The following DAZAP2 variants were observed in gnomAD, a reference collection of about 807,000 sequenced individuals.
DAZAP2 encodes the protein DAZ-associated protein 2.
DAZAP2 carries 3 observed loss-of-function variants against 16.2 expected under a neutral mutation model. The observed-to-expected ratio is 0.19, with a 90% confidence interval of 0.08 to 0.48. The LOEUF (loss-of-function observed/expected upper bound fraction) is 0.48. Among genes scored for constraint, DAZAP2 ranks in the 20% least tolerant of loss-of-function variants. DAZAP2 has a pLI of 0.98. For missense variants in DAZAP2, 172 were observed against 215.9 expected, an observed-to-expected ratio of 0.80 and a Z score of 1.27; for synonymous variants, 69 against 77.6, an observed-to-expected ratio of 0.89 and a Z score of 0.58.
At position 51,238,920 on chromosome 12, in the gene DAZAP2, G is replaced by A; in HGVS notation, c.13G>A (p.Gly5Ser). The change falls in exon 1 of 4, where the codon GGT (glycine) becomes AGT (serine). Residue 5 changes from glycine to serine, a missense_variant and splice_region_variant. Gly to Ser is a moderately conservative substitution (Grantham distance 56). Coordinates refer to ENST00000412716, the MANE Select transcript of DAZAP2 (RefSeq NM_014764.4). MNSKGQYPTQPTYPV... is the reference protein window; with the variant it reads MNSKSQYPTQPTYPV... ...ACCCGCAACCACCATGAACAGCAAA[G>A]GCAAGGACCGAGGGTGGCAGAGGCC... 3 of 1,613,516 alleles carry A rather than the reference G, an allele frequency of 1.9e-6. No individual in the cohort carries two copies. The highest frequency in any genetic ancestry group is 2.5e-6 in the Non-Finnish European group (3 of 1,179,910).
downstream of DAZAP2, chr12:51,246,216 T>G: frequency 6.6e-7 from 1 of 1,516,168 alleles, no homozygotes; most frequent in East Asian, 2.3e-5. Flanking sequence ...TTCGTAAAGA[T>G]CCTCTTGTTT....
At chr12:51,246,604 C>CTGTGTGTGTG (rs59561227), downstream of DAZAP2, 8,874 of 337,902 alleles carry the variant, frequency 0.026, 546 homozygotes, top group African/African-American at 0.15. Context: ...TCTTTTATGG[C>CTGTGTGTGTG]TGTGTGTGTG....
Position 51,242,487 on chromosome 12 carries a change from A to G in DAZAP2, c.*29A>G. The G allele has an allele frequency of 6.2e-7, 1 of 1,613,894 alleles. No homozygotes were observed. The highest frequency in any genetic ancestry group is 8.5e-7 in the Non-Finnish European group (1 of 1,180,038). Reference sequence around the variant, plus strand: ...ACCAAGGCCACCTCTGTGCCGGGAAAGACATCACATACCTTCAGCACTTCT... The same window carrying G: ...ACCAAGGCCACCTCTGTGCCGGGAAGGACATCACATACCTTCAGCACTTCT... On this transcript the variant is annotated 3_prime_UTR_variant, in exon 4 of 4. Transcript: ENST00000412716.
chr12:51,246,604 CTGTG>C (rs59561227), downstream of DAZAP2: 1,273 of 337,418 alleles, frequency 3.8e-3, 9 homozygotes, highest in African/African-American at 0.012. Flanking sequence ...TCTTTTATGG[CTGTG>C]TGTGTGTGTG....
At chr12:51,241,786 T>C (rs988245475) in intron 3 of DAZAP2, among the ~76,000 whole-genome samples, 20 of 152,082 alleles carry the variant, frequency 1.3e-4, no homozygotes, top group African/African-American at 4.8e-4. Context: ...CCGGGCATGG[T>C]GGCAGGCGTC....
At chr12:51,244,164 T>G (rs955140140), downstream of DAZAP2, among the ~76,000 whole-genome samples, 1 of 152,206 alleles carries the variant, frequency 6.6e-6, no homozygotes, top group Non-Finnish European at 1.5e-5. Flanking sequence ...TACTGAAAAC[T>G]CATAGAATCT....
In DAZAP2 at chr12:51,243,659, T is replaced by TAG. The variant is rs1490699116; in HGVS notation, c.*1202_*1203insGA. The TAG allele has an allele frequency of 1.0e-6, 1 of 985,726 alleles. No homozygotes were observed. Among genetic ancestry groups the TAG allele is most frequent in the Admixed American group, 6.2e-5 (1 of 16,260 alleles). 61.1% of individuals were successfully genotyped at this position (985,726 alleles called of 1,614,324 possible). On this transcript the variant is annotated 3_prime_UTR_variant, in exon 4 of 4. Transcript: ENST00000412716. ...GATGTTTGACTGTACCATTGACTGT[T>TAG]ATGGAAGTTCAGCGTTGTATGTCTC...
At chr12:51,239,330 T>C (rs984544745) in intron 1 of DAZAP2, 41 of 209,280 alleles carry the variant, frequency 2.0e-4, no homozygotes, top group African/African-American at 9.0e-4. Flanking sequence ...GGCCGGGGCC[T>C]GTGAGGTCTC....
chr12:51,243,492 G>T lies in DAZAP2; in HGVS notation c.*1034G>T, dbSNP rs1944718394. On this transcript the variant is annotated 3_prime_UTR_variant, in exon 4 of 4. Transcript: ENST00000412716. ...TATTGTGAATGTCTCACTACAAAAT[G>T]ACTTGAGTCCAGTGAAATCTCATTA... 22 of 985,730 alleles carry T rather than the reference G, an allele frequency of 2.2e-5. No homozygotes were observed. The highest frequency in any genetic ancestry group is 2.7e-5 in the Non-Finnish European group (22 of 829,950). 61.1% of individuals were successfully genotyped at this position (985,730 alleles called of 1,614,324 possible).
rs1264911075 is a variant in DAZAP2 at position 51,240,928 on chromosome 12, G to A, written c.190G>A (p.Ala64Thr). The change falls in exon 3 of 4, where the codon GCA (alanine) becomes ACA (threonine). Residue 64 changes from alanine to threonine, a missense_variant. Physicochemically the swap from Ala to Thr is moderately conservative, Grantham distance 58. Coordinates refer to ENST00000412716, the MANE Select transcript of DAZAP2 (RefSeq NM_014764.4). Reference protein sequence around the residue: ...GAATVPTMSAAFPGASLYLPM... With the variant: ...GAATVPTMSATFPGASLYLPM... ...TGCCACAGTCCCCACCATGTCAGCCGCATTTCCTGGAGCCTCTCTGTATCT... is the reference window on the plus strand; with the variant it reads ...TGCCACAGTCCCCACCATGTCAGCCACATTTCCTGGAGCCTCTCTGTATCT... 3.7e-6 allele frequency: 6 copies of A among 1,614,166 alleles called. No individual in the cohort carries two copies. The highest frequency in any genetic ancestry group is 3.3e-5 in the Admixed American group (2 of 60,016).
Position 51,238,834 on chromosome 12 carries a change from A to T in DAZAP2, c.-74A>T. On this transcript the variant is annotated 5_prime_UTR_variant, in exon 1 of 4. The change creates a new upstream start codon in the 5' untranslated region. Transcript: ENST00000412716. The stretch of plus-strand genomic sequence containing the variant: ...CGGACGGACCATCATGTGACACGGA[A>T]GTAGCTCCGAACAGGAAGAGGACGA... 2.5e-6 allele frequency: 4 copies of T among 1,609,912 alleles called. No individual in the cohort carries two copies.
chr12:51,239,612 C>G (rs1565652620), intron 1 of DAZAP2: 1 of 152,284 alleles, frequency 6.6e-6, no homozygotes, highest in Admixed American at 6.6e-5. Context: ...AACCCCGTCT[C>G]TATTAAAAAA....
rs1240652714 is a variant in DAZAP2 at position 51,243,546 on chromosome 12, A to G, written c.*1088A>G. 1 of 985,622 alleles carries G rather than the reference A, an allele frequency of 1.0e-6. No homozygotes were observed. The highest frequency in any genetic ancestry group is 1.2e-6 in the Non-Finnish European group (1 of 829,904). 61.1% of individuals were successfully genotyped at this position (985,622 alleles called of 1,614,324 possible). A position where few individuals can be genotyped will look rare whatever the true frequency, so the allele number is the denominator to read the frequency against. On this transcript the variant is annotated 3_prime_UTR_variant, in exon 4 of 4. Coordinates refer to ENST00000412716, the MANE Select transcript of DAZAP2 (RefSeq NM_014764.4). ...TTTAAGAATATTTCAGGGATCCTTA[A>G]TGTTTTGATTTTTGTTTTCTGAAAT...
At chr12:51,242,246 T>C (rs1944690186) in intron 3 of DAZAP2, 84 bp from the exon 4 acceptor site, 1 of 1,504,084 alleles carries the variant, frequency 6.6e-7, no homozygotes, top group Non-Finnish European at 8.8e-7. Context: ...CATTGCCTCA[T>C]CCTAACAGGC....
chr12:51,243,203 C>G lies in DAZAP2; in HGVS notation c.*745C>G. 3.0e-6 allele frequency: 3 copies of G among 985,850 alleles called. No homozygotes were observed. Among genetic ancestry groups the G allele is most frequent in the Non-Finnish European group, 3.6e-6 (3 of 829,986 alleles). 61.1% of individuals were successfully genotyped at this position (985,850 alleles called of 1,614,324 possible). A position where few individuals can be genotyped will look rare whatever the true frequency, so the allele number is the denominator to read the frequency against. ...TCCTCATAGGTTGTCTCTGCATACA[C>G]GAACCTAACCCAAATTTGCTTTGGT... is the stretch of plus-strand genomic sequence containing the variant. On this transcript the variant is annotated 3_prime_UTR_variant, in exon 4 of 4. Coordinates refer to ENST00000412716, the MANE Select transcript of DAZAP2 (RefSeq NM_014764.4).
chr12:51,240,730 T>C, intron 2 of DAZAP2, 141 bp from the exon 3 acceptor site: 1 of 1,175,746 alleles, frequency 8.5e-7, no homozygotes, highest in African/African-American at 1.5e-5. Context: ...AGGAGAATAT[T>C]GAAGGCCAGT....
At chr12:51,245,744 TATC>T (rs766103595), downstream of DAZAP2, 1 of 564,658 alleles carries the variant, frequency 1.8e-6, no homozygotes, top group South Asian at 2.8e-5. Context: ...TGGTTAAAGA[TATC>T]ATAAACAGCT....
intron 3 of DAZAP2, 66 bp downstream of exon 3, chr12:51,241,182 A>G (rs2137284088): frequency 6.3e-7 from 1 of 1,580,460 alleles, no homozygotes; most frequent in East Asian, 2.2e-5. Context: ...ATGACTTCAT[A>G]TTCATTCTCT....
chr12:51,244,242 G>A (rs888986613), downstream of DAZAP2, among the ~76,000 whole-genome samples: 2 of 152,042 alleles, frequency 1.3e-5, no homozygotes, highest in East Asian at 1.9e-4. Flanking sequence ...TCTGTCACCC[G>A]GGCTGGAGTG....
Sources: gnomAD v4.1 joint callset for allele counts (sites outside exome capture counted in the v4.1 genomes callset) on GRCh38, gnomAD v4.1.1 for gene constraint, MANE v1.5 for transcripts, NCBI Gene and HGNC (gene_info 2026-07-23, HGNC 2026-07-21) for gene names.